IL12RB2: variants seen among roughly 807,000 people sequenced by gnomAD.
The protein encoded by IL12RB2 is interleukin-12 receptor subunit beta-2.
A neutral mutation model predicts 89.4 loss-of-function variants in IL12RB2; 82 were observed. The ratio of observed to expected loss-of-function variants is 0.92; its 90% confidence interval spans 0.77 to 1.10. The LOEUF is 1.10. IL12RB2 is among the 50% of genes least tolerant of loss of function. The pLI, the probability that IL12RB2 is intolerant of heterozygous loss-of-function variation, is 0.00. For missense variants in IL12RB2, 963 were observed against 1,031.9 expected, an observed-to-expected ratio of 0.93 and a Z score of 0.92; for synonymous variants, 368 against 370.1, an observed-to-expected ratio of 0.99 and a Z score of 0.07.
chr1:67,371,024 C>T (rs1464402166), intron 11 of IL12RB2, among the ~76,000 whole-genome samples: 7 of 152,172 alleles, frequency 4.6e-5, no homozygotes, highest in Non-Finnish European at 2.9e-5. Context: ...CTCCATAAGG[C>T]GGTGGTTGGT....
chr1:67,330,437 G>A (rs1657910920), intron 7 of IL12RB2, among the ~76,000 whole-genome samples: 1 of 151,986 alleles, frequency 6.6e-6, no homozygotes, highest in South Asian at 2.1e-4. Context: ...TGGGTTCTTA[G>A]TACCCAGAGA....
At chr1:67,385,419 T>C (rs899505641) in intron 14 of IL12RB2, among the ~76,000 whole-genome samples, 1 of 152,116 alleles carries the variant, frequency 6.6e-6, no homozygotes, top group African/African-American at 2.4e-5. Flanking sequence ...TCCCAGTGGG[T>C]CCCTCCCACC....
chr1:67,371,263 T>TTTTG (rs1411966294), intron 11 of IL12RB2, among the ~76,000 whole-genome samples: 3 of 152,248 alleles, frequency 2.0e-5, no homozygotes, highest in Non-Finnish European at 4.4e-5. Flanking sequence ...ATGGCATGTG[T>TTTTG]TTTGATCTTG....
At chr1:67,319,156 A>G (rs559626385) in intron 2 of IL12RB2, among the ~76,000 whole-genome samples, 12 of 152,228 alleles carry the variant, frequency 7.9e-5, no homozygotes, top group South Asian at 4.1e-4. Context: ...GCTCTTCAAT[A>G]TTTTCTGGCA....
intron 1 of IL12RB2, among the ~76,000 whole-genome samples, chr1:67,311,512 C>T (rs1655056203): frequency 6.6e-6 from 1 of 152,152 alleles, no homozygotes. Context: ...GGATACTAAT[C>T]ATTACTTTAT....
At chr1:67,341,529 G>GAGATAGAAAGAAAGAAAGAA in intron 9 of IL12RB2, among the ~76,000 whole-genome samples, 1 of 110,690 alleles carries the variant, frequency 9.0e-6, no homozygotes, top group East Asian at 2.8e-4. Flanking sequence ...AAAAAAGAAA[G>GAGATAGAAAGAAAGAAAGAA]AGAAAGAAAG....
intron 5 of IL12RB2, among the ~76,000 whole-genome samples, 175 bp from the exon 6 acceptor site, chr1:67,328,025 A>G (rs1210475389): frequency 6.6e-6 from 1 of 152,266 alleles, no homozygotes; most frequent in African/African-American, 2.4e-5. Flanking sequence ...TGGGTGAAGT[A>G]TAGTCTTACA....
chr1:67,391,786 G>A lies in IL12RB2; in HGVS notation c.2046+1658G>A, dbSNP rs570193084. Among the ~76,000 whole-genome samples the A allele has an allele frequency of 8.5e-4, 129 of 151,914 alleles. 1 individual carries two copies. Among genetic ancestry groups the A allele is most frequent in the African/African-American group, 3.0e-3 (124 of 41,476 alleles). On this transcript the variant is annotated intron_variant, in intron 16 of 16. Transcript: ENST00000674203. ...CTAGTAGCTAGGACTACAGGCGCCC[G>A]CCGCCATGCCCGGCTAATTTTTTTT...
chr1:67,384,082 T>C (rs1043996152), intron 14 of IL12RB2, among the ~76,000 whole-genome samples: 7 of 152,242 alleles, frequency 4.6e-5, no homozygotes, highest in African/African-American at 1.7e-4. Flanking sequence ...ACAGTTCCAC[T>C]AGGCAGTGCC....
chr1:67,367,865 C>T lies in IL12RB2; in HGVS notation c.1299C>T (p.Gly433=). Residue 433 remains glycine, a synonymous_variant, in exon 11 of 17, where the codon GGC becomes GGT. Coordinates refer to ENST00000674203, the MANE Select transcript of IL12RB2 (RefSeq NM_001374259.2). ...APRQVSANSE[G]MDNILVTWQP... ...GCCAGGTCTCTGCAAACTCAGAGGG[C>T]ATGGACAACATTCTGGTGACTTGGC... The T allele has an allele frequency of 1.2e-6, 2 of 1,607,624 alleles. No individual in the cohort carries two copies. Among genetic ancestry groups the T allele is most frequent in the Non-Finnish European group, 1.7e-6 (2 of 1,174,060 alleles).
At position 67,390,048 on chromosome 1, in the gene IL12RB2, GC is replaced by G; in HGVS notation, c.1969del (p.Leu657SerfsTer37). On this transcript the variant is annotated frameshift_variant, in exon 16 of 17. Coordinates refer to ENST00000674203, the MANE Select transcript of IL12RB2 (RefSeq NM_001374259.2). LOFTEE classifies it high-confidence loss of function. ...CTATAGGGTGTTTGTTCTCCTAGCA[GC>G]CCTCAGACCTCAGTGGTGTAGCAGA... The part of the protein sequence containing the change: ...FQQKVFVLLA[A>X]LRPQWCSREI... The G allele has an allele frequency of 1.5e-6, 2 of 1,309,640 alleles. No individual in the cohort carries two copies. Among genetic ancestry groups the G allele is most frequent in the Non-Finnish European group, 1.1e-6 (1 of 901,736 alleles). 81.1% of individuals were successfully genotyped at this position (1,309,640 alleles called of 1,614,324 possible).
At chr1:67,317,869 A>G (rs1655982440) in intron 2 of IL12RB2, among the ~76,000 whole-genome samples, 1 of 152,214 alleles carries the variant, frequency 6.6e-6, no homozygotes, top group African/African-American at 2.4e-5. Context: ...ATTCTAGTAT[A>G]GAAGACAGAT....
Position 67,329,629 on chromosome 1 carries a change from A to G in IL12RB2, c.707A>G (p.Lys236Arg), listed in dbSNP as rs201771864. ...PPWDIRIKFQ[K>R]ASVSRCTLYW... The stretch of plus-strand genomic sequence containing the variant: ...TGGGACATTAGAATCAAATTTCAAA[A>G]GGCTTCTGTGAGCAGATGTACCCTT... The change falls in exon 7 of 17, where the codon AAG (lysine) becomes AGG (arginine). Residue 236 changes from lysine to arginine, a missense_variant. By Grantham distance (26) the Lys-to-Arg change is conservative. Coordinates refer to ENST00000674203, the MANE Select transcript of IL12RB2 (RefSeq NM_001374259.2). 3.2e-6 allele frequency: 5 copies of G among 1,580,096 alleles called. No individual in the cohort carries two copies. The Admixed American group carries it at 5.0e-5, about 16-fold the overall frequency.
At chr1:67,355,422 G>GAAA (rs1171395256) in intron 10 of IL12RB2, among the ~76,000 whole-genome samples, 2 of 93,674 alleles carry the variant, frequency 2.1e-5, no homozygotes, top group Non-Finnish European at 4.2e-5. Flanking sequence ...GTCTCAAAAA[G>GAAA]AAAAAAAAAA....
chr1:67,395,005 T>A (rs570592341), intron 16 of IL12RB2, among the ~76,000 whole-genome samples: 2 of 152,242 alleles, frequency 1.3e-5, no homozygotes, highest in African/African-American at 4.8e-5. Flanking sequence ...TGGTGGCTCA[T>A]GCCTGTAATC....
intron 8 of IL12RB2, among the ~76,000 whole-genome samples, chr1:67,335,945 A>G (rs898338486): frequency 3.3e-5 from 5 of 152,242 alleles, no homozygotes; most frequent in African/African-American, 1.2e-4. Flanking sequence ...TTTGATTCTT[A>G]GCTCTGTAAT....
chr1:67,343,799 T>G (rs1420755889), intron 9 of IL12RB2, among the ~76,000 whole-genome samples: 1 of 152,256 alleles, frequency 6.6e-6, no homozygotes, highest in Non-Finnish European at 1.5e-5. Context: ...TTTAGCATCC[T>G]CTCATTATCT....
rs2100602115 is a variant in IL12RB2 at position 67,321,884 on chromosome 1, T to C, written c.359T>C (p.Val120Ala). The C allele has an allele frequency of 1.9e-6, 3 of 1,613,322 alleles. No individual in the cohort carries two copies. Among genetic ancestry groups the C allele is most frequent in the South Asian group, 2.2e-5 (2 of 91,058 alleles). The change falls in exon 4 of 17, where the codon GTT (valine) becomes GCT (alanine). Residue 120 changes from valine to alanine, a missense_variant. Val to Ala is a moderately conservative substitution (Grantham distance 64). Transcript: ENST00000674203. ...CAAATATGTGGAGCAGAGATCTTCGTTGGTGGTGAGCATTCCATTTTGAAT... is the reference window on the plus strand; with the variant it reads ...CAAATATGTGGAGCAGAGATCTTCGCTGGTGGTGAGCATTCCATTTTGAAT... ...EIQICGAEIFVGVAPEQPQNL... is the reference protein window; with the variant it reads ...EIQICGAEIFAGVAPEQPQNL...
rs949476384 is a variant in IL12RB2, at chr1:67,398,218, C to T, written c.*2129C>T. Among the ~76,000 whole-genome samples, 18 of 152,170 alleles carry T rather than the reference C, an allele frequency of 1.2e-4. No homozygotes were observed. Among genetic ancestry groups the T allele is most frequent in the African/African-American group, 4.1e-4 (17 of 41,432 alleles). ...CTTGACTGGCACAAACCGTGACAGA[C>T]ATGCCCTTGACTGGCACAAACCATG... On this transcript the variant is annotated 3_prime_UTR_variant, in exon 17 of 17. Coordinates refer to ENST00000674203, the MANE Select transcript of IL12RB2 (RefSeq NM_001374259.2).
Sources: allele counts gnomAD v4.1 joint callset (sites outside exome capture counted in the v4.1 genomes callset), GRCh38; gene constraint gnomAD v4.1.1; transcripts MANE v1.5; gene names NCBI Gene and HGNC (gene_info 2026-07-23, HGNC 2026-07-21).